The following MPDZ variants were observed in gnomAD, a reference collection of about 807,000 sequenced individuals.
The protein encoded by MPDZ is multiple PDZ domain crumbs cell polarity complex component.
MPDZ carries 234 observed loss-of-function variants against 239.1 expected under a neutral mutation model. The ratio of observed to expected loss-of-function variants is 0.98; its 90% CI spans 0.88 to 1.09. The LOEUF (loss-of-function observed/expected upper bound fraction) is 1.09. MPDZ is among the 50% of genes least tolerant of loss of function. The probability of loss-of-function intolerance (pLI) is 0.00; values close to 1 mark genes in which losing one functional copy is unlikely to be tolerated. For missense variants in MPDZ, 3,175 were observed against 2,510.0 expected (o/e 1.26, Z -5.66); for synonymous variants, 1,048 against 881.3 (o/e 1.19, Z -3.35).
chr9:13,250,433 T>C (rs1334483722), intron 1 of MPDZ, 61 bp from the exon 2 acceptor site: 2 of 875,558 alleles, frequency 2.3e-6, no homozygotes, highest in Admixed American at 2.2e-5. Flanking sequence ...TAAAGCTATA[T>C]ACTCTGAAGA....
intron 21 of MPDZ, among the ~76,000 whole-genome samples, chr9:13,170,805 T>C (rs182696847): frequency 6.6e-6 from 1 of 152,306 alleles, no homozygotes; most frequent in East Asian, 1.9e-4. Flanking sequence ...ACATCAACCA[T>C]GTAAACCAAG....
intron 19 of MPDZ, among the ~76,000 whole-genome samples, chr9:13,178,857 T>G (rs572581286): frequency 6.6e-6 from 1 of 152,218 alleles, no homozygotes; most frequent in South Asian, 2.1e-4. Flanking sequence ...CATTCTCTTG[T>G]GCTTTTGCGT....
At chr9:13,206,691 G>A (rs1457943695) in intron 10 of MPDZ, among the ~76,000 whole-genome samples, 10 of 151,778 alleles carry the variant, frequency 6.6e-5, no homozygotes, top group Admixed American at 3.9e-4. Context: ...CTACAGGTGC[G>A]TGCCACCATG....
chr9:13,165,992 G>A (rs879887030), intron 22 of MPDZ, among the ~76,000 whole-genome samples: 12 of 152,110 alleles, frequency 7.9e-5, no homozygotes, highest in Non-Finnish European at 1.6e-4. Context: ...AAGAAATCCA[G>A]TGCATTCTCT....
In MPDZ at chr9:13,122,523, C is replaced by CTTTTTTTTTTTTTTT. The variant is rs1193402258; in HGVS notation, c.4954-368_4954-354dup. Reference sequence around the variant, plus strand: ...CTACAAAGTATCAATTTTTCAAACTCTTTTTTTTTTTTTTTGAGACGTAGT... The same window carrying CTTTTTTTTTTTTTTT: ...CTACAAAGTATCAATTTTTCAAACTCTTTTTTTTTTTTTTTTTTTTTTTTTTTTTTGAGACGTAGT... On this transcript the variant is annotated intron_variant, in intron 36 of 46. Coordinates refer to ENST00000319217, the MANE Select transcript of MPDZ (RefSeq NM_001378778.1). 3.8e-4 allele frequency among the ~76,000 whole-genome samples: 53 copies of CTTTTTTTTTTTTTTT among 141,150 alleles called. 1 individual carries two copies. The highest frequency in any genetic ancestry group is 1.2e-3 in the African/African-American group (46 of 37,856). 92.6% of individuals were successfully genotyped at this position (141,150 alleles called of 152,430 possible).
At chr9:13,218,318 T>G (rs908403272) in intron 8 of MPDZ, among the ~76,000 whole-genome samples, 2 of 151,882 alleles carry the variant, frequency 1.3e-5, no homozygotes, top group Non-Finnish European at 2.9e-5. Context: ...ATAAGACTTA[T>G]GCGAGTGCTA....
chr9:13,277,551 ATTTTT>A (rs958349157), intron 1 of MPDZ, among the ~76,000 whole-genome samples: 3 of 151,926 alleles, frequency 2.0e-5, no homozygotes, highest in African/African-American at 4.8e-5. Flanking sequence ...CTAGGCTTTT[ATTTTT>A]ATTTTTTATT....
chr9:13,116,358 T>C (rs1483590807), intron 39 of MPDZ, among the ~76,000 whole-genome samples: 2 of 152,148 alleles, frequency 1.3e-5, no homozygotes, highest in Non-Finnish European at 2.9e-5. Flanking sequence ...TCATTATAGG[T>C]TGTTGAGATA....
At chr9:13,165,406 A>C in intron 22 of MPDZ, 1 of 1,549,324 alleles carries the variant, frequency 6.5e-7, no homozygotes. Flanking sequence ...TGCTGCAGAA[A>C]ATCTAGAATG....
intron 1 of MPDZ, among the ~76,000 whole-genome samples, chr9:13,271,907 T>C (rs1973067920): frequency 6.6e-6 from 1 of 152,128 alleles, no homozygotes; most frequent in African/African-American, 2.4e-5. Flanking sequence ...TACTGTATGA[T>C]TCCATGTATT....
chr9:13,158,913 T>C (rs1193365795), intron 23 of MPDZ, among the ~76,000 whole-genome samples: 9 of 152,204 alleles, frequency 5.9e-5, no homozygotes, highest in Non-Finnish European at 1.2e-4. Flanking sequence ...AAACTGATTA[T>C]GGCCTGTGCC....
intron 40 of MPDZ, 108 bp from the exon 41 acceptor site, chr9:13,114,129 G>T: frequency 2.3e-6 from 2 of 855,304 alleles, no homozygotes; most frequent in Non-Finnish European, 3.6e-6. Flanking sequence ...AAGCAACAGT[G>T]GCATTTGATA....
chr9:13,170,381 G>A (rs1453491349), intron 21 of MPDZ, among the ~76,000 whole-genome samples: 4 of 152,054 alleles, frequency 2.6e-5, no homozygotes, highest in Admixed American at 2.0e-4. Flanking sequence ...ATTTTTAAAT[G>A]TACTTAAAAT....
At chr9:13,267,785 G>A (rs538580117) in intron 1 of MPDZ, among the ~76,000 whole-genome samples, 34 of 152,270 alleles carry the variant, frequency 2.2e-4, no homozygotes, top group Non-Finnish European at 3.5e-4. Context: ...AGATGATTTG[G>A]AAAACTCTCA....
chr9:13,212,934 T>C (rs1957812166), intron 10 of MPDZ, among the ~76,000 whole-genome samples: 1 of 151,962 alleles, frequency 6.6e-6, no homozygotes, highest in Non-Finnish European at 1.5e-5. Flanking sequence ...ATACTCAACC[T>C]AGGTTGCCAG....
intron 25 of MPDZ, among the ~76,000 whole-genome samples, chr9:13,148,696 G>A (rs942824746): frequency 5.7e-5 from 7 of 123,650 alleles, no homozygotes; most frequent in African/African-American, 2.6e-4. Context: ...AATTATCTTT[G>A]CTCAAGACCA....
At chr9:13,153,784 C>A (rs989683670) in intron 24 of MPDZ, among the ~76,000 whole-genome samples, 4 of 151,820 alleles carry the variant, frequency 2.6e-5, no homozygotes, top group African/African-American at 9.7e-5. Flanking sequence ...GGTAGGACTC[C>A]TTAACTCTTT....
Position 13,188,969 on chromosome 9 carries a change from C to T in MPDZ, c.2179G>A (p.Val727Met), listed in dbSNP as rs371246695. Residue 727 changes from valine to methionine, a missense_variant, in exon 17 of 47, where the codon GTG becomes ATG. Coordinates refer to ENST00000319217, the MANE Select transcript of MPDZ (RefSeq NM_001378778.1). ...GGCACCAAAGAACGAATTATAATCA[C>T]AGTGCTTGCTGGATCAATTGGATCC... ...YQDPIDPAST[V>M]IIIRSLVPGG... 7.7e-5 allele frequency: 125 copies of T among 1,613,032 alleles called. No individual in the cohort carries two copies. Among genetic ancestry groups the T allele is most frequent in the Non-Finnish European group, 1.0e-4 (123 of 1,179,432 alleles).
chr9:13,202,616 G>C (rs1037226075), intron 12 of MPDZ, among the ~76,000 whole-genome samples: 16 of 152,158 alleles, frequency 1.1e-4, no homozygotes, highest in African/African-American at 3.9e-4. Context: ...AACTCCCAGT[G>C]GTTCATAGGA....
Sources: allele counts gnomAD v4.1 joint callset (sites outside exome capture counted in the v4.1 genomes callset), GRCh38; gene constraint gnomAD v4.1.1; transcripts MANE v1.5; gene names NCBI Gene and HGNC (gene_info 2026-07-23, HGNC 2026-07-21).